FEZ2: variants seen among roughly 807,000 people sequenced by gnomAD.
FEZ2 encodes the protein fasciculation and elongation protein zeta-2.
A neutral mutation model predicts 40.4 loss-of-function variants in FEZ2; 51 were observed. The ratio of observed to expected loss-of-function variants is 1.26; its 90% confidence interval spans 1.01 to 1.59. FEZ2 has a LOEUF of 1.59. FEZ2 is among the 40% of genes most tolerant of loss of function. The probability of loss-of-function intolerance (pLI) is 0.00; values close to 1 mark genes in which losing one functional copy is unlikely to be tolerated. For missense variants in FEZ2, 640 were observed against 438.3 expected, an observed-to-expected ratio of 1.46 and a Z score of -4.11; for synonymous variants, 242 against 172.0, an observed-to-expected ratio of 1.41 and a Z score of -3.18.
chr2:36,569,415 GGACTGAAAACAACA>G (rs1408782841), intron 5 of FEZ2, among the ~76,000 whole-genome samples: 11 of 151,132 alleles, frequency 7.3e-5, no homozygotes, highest in African/African-American at 2.5e-4. Flanking sequence ...CTAGCTGATA[GGACTGAAAACAACA>G]TAAAGAGACA....
chr2:36,562,337 A>G (rs1482056707), intron 5 of FEZ2, among the ~76,000 whole-genome samples: 1 of 152,182 alleles, frequency 6.6e-6, no homozygotes, highest in Admixed American at 6.5e-5. Flanking sequence ...TAAGAGCGTA[A>G]AGAAGTCTTG....
rs532362044 is a variant in FEZ2, at chr2:36,583,394, C to G, written c.451G>C (p.Val151Leu). ...AGGGGTTCATCATTAACACAGGAGA[C>G]GATGATTGAGTGCATATCCAGCTGT... ...REQLDMHSII[V>L]SCVNDEPLFT... The change falls in exon 3 of 8, where the codon GTC becomes CTC. Residue 151 changes from valine (V) to leucine (L), a missense_variant. Coordinates refer to ENST00000405912, the MANE Select transcript of FEZ2 (RefSeq NM_005102.3). 15 of 1,605,890 alleles carry G rather than the reference C, an allele frequency of 9.3e-6. No individual in the cohort carries two copies. In the South Asian group the frequency reaches 1.4e-4, roughly 15 times the overall value.
intron 5 of FEZ2, among the ~76,000 whole-genome samples, chr2:36,574,221 T>C (rs145318035): frequency 6.6e-6 from 1 of 152,222 alleles, no homozygotes; most frequent in African/African-American, 2.4e-5. Context: ...GCCGTCTGTA[T>C]GTAGGACGAA....
chr2:36,582,076 T>C (rs1668766193), intron 3 of FEZ2, among the ~76,000 whole-genome samples: 1 of 152,196 alleles, frequency 6.6e-6, no homozygotes, highest in Non-Finnish European at 1.5e-5. Flanking sequence ...CTTTAAACAA[T>C]GATCTACTGT....
chr2:36,571,435 C>T (rs12615713), intron 5 of FEZ2, among the ~76,000 whole-genome samples: 8,963 of 149,994 alleles, frequency 0.06, 885 homozygotes, highest in East Asian at 0.45. Context: ...CCGAGGTGGG[C>T]GGATCGCTTG....
At chr2:36,581,659 GA>G (rs1668753767) in intron 3 of FEZ2, 2 of 451,534 alleles carry the variant, frequency 4.4e-6, no homozygotes, top group Non-Finnish European at 8.3e-6. Context: ...AATAGAATTG[GA>G]TTTACTACGT....
intron 5 of FEZ2, among the ~76,000 whole-genome samples, chr2:36,566,943 T>C (rs910805609): frequency 9.6e-5 from 13 of 134,990 alleles, no homozygotes; most frequent in East Asian, 2.6e-4. Flanking sequence ...CACATACGCA[T>C]AGACACACAC....
intron 5 of FEZ2, among the ~76,000 whole-genome samples, chr2:36,565,151 C>G (rs17488036): frequency 0.34 from 52,026 of 152,070 alleles, 9,085 homozygotes; most frequent in Middle Eastern, 0.53. Flanking sequence ...TCACCAATAT[C>G]TCTGAAATTC....
chr2:36,567,952 A>G (rs1440428748), intron 5 of FEZ2, among the ~76,000 whole-genome samples: 1 of 152,146 alleles, frequency 6.6e-6, no homozygotes, highest in Non-Finnish European at 1.5e-5. Context: ...CCAAAAAATA[A>G]CACACCCTTT....
At position 36,578,693 on chromosome 2, in the gene FEZ2, T is replaced by G; in HGVS notation, c.807A>C (p.Lys269Asn). 6.2e-7 allele frequency: 1 copy of G among 1,613,986 alleles called. No homozygotes were observed. Among genetic ancestry groups the G allele is most frequent in the South Asian group, 1.1e-5 (1 of 91,066 alleles). ...FISVLIEVQN[K>N]QKEHKETAKK... ...TTGCTGTTTCTTTGTGCTCTTTCTG[T>G]TTGTTTTGCACTTCAATAAGAACAG... The change falls in exon 5 of 8, where the codon AAA becomes AAC. Residue 269 changes from lysine (K) to asparagine (N), a missense_variant. Physicochemically the swap from Lys to Asn is moderately conservative, Grantham distance 94 (BLOSUM62 0). Coordinates refer to ENST00000405912, the MANE Select transcript of FEZ2 (RefSeq NM_005102.3).
chr2:36,565,973 G>A (rs931385732), intron 5 of FEZ2, among the ~76,000 whole-genome samples: 9 of 152,130 alleles, frequency 5.9e-5, no homozygotes, highest in East Asian at 3.9e-4. Context: ...GAGAATCACC[G>A]CACTAAAGCA....
chr2:36,552,310 A>G lies in FEZ2; in HGVS notation c.*853T>C, dbSNP rs969745591. Reference sequence around the variant, plus strand: ...TGCCATTGATTTGACTGGAACCAGCAAAAGTGCTCATGATATTGATGAATC... The same window carrying G: ...TGCCATTGATTTGACTGGAACCAGCGAAAGTGCTCATGATATTGATGAATC... On this transcript the variant is annotated 3_prime_UTR_variant, in exon 8 of 8. Coordinates refer to ENST00000405912, the MANE Select transcript of FEZ2 (RefSeq NM_005102.3). 2.2e-5 allele frequency: 9 copies of G among 418,486 alleles called. No homozygotes were observed. The highest frequency in any genetic ancestry group is 3.8e-5 in the Non-Finnish European group (8 of 211,482). 25.9% of individuals were successfully genotyped at this position (418,486 alleles called of 1,614,324 possible).
rs748873796 is a variant in FEZ2, at chr2:36,552,491, A to G, written c.*672T>C. ...AGTACAATTCTTCACAGACACATGA[A>G]GCAGAACATTTGAAAATCAAAACTT... On this transcript the variant is annotated 3_prime_UTR_variant, in exon 8 of 8. Transcript: ENST00000405912. The G allele has an allele frequency of 8.0e-6, 2 of 249,410 alleles. No homozygotes were observed. The highest frequency in any genetic ancestry group is 1.6e-5 in the Non-Finnish European group (2 of 125,476). The allele number at this position is 249,410 out of a possible 1,614,324, so 15.4% of individuals were successfully genotyped here.
chr2:36,558,868 T>A (rs1350728037), intron 5 of FEZ2: 1 of 160,832 alleles, frequency 6.2e-6, no homozygotes, highest in Non-Finnish European at 1.4e-5. Flanking sequence ...TCAACACATT[T>A]TAAAAATAGC....
intron 6 of FEZ2, chr2:36,556,134 G>T: frequency 2.3e-6 from 1 of 429,666 alleles, no homozygotes; most frequent in Non-Finnish European, 4.7e-6. Context: ...AAACCTCAGT[G>T]CTGCAGATCA....
At chr2:36,586,215 T>G (rs1212289607) in intron 2 of FEZ2, among the ~76,000 whole-genome samples, 9 of 152,232 alleles carry the variant, frequency 5.9e-5, no homozygotes. Context: ...ATTAGTTTCA[T>G]CGATCCTTAC....
At chr2:36,585,049 T>C (rs922555275) in intron 2 of FEZ2, among the ~76,000 whole-genome samples, 11 of 151,636 alleles carry the variant, frequency 7.3e-5, no homozygotes, top group Non-Finnish European at 1.5e-4. Context: ...CAACACAGCA[T>C]CATGAACTAA....
intron 1 of FEZ2, 69 bp downstream of exon 1, chr2:36,597,808 G>A (rs1446724284): frequency 6.7e-6 from 7 of 1,041,742 alleles, no homozygotes; most frequent in East Asian, 7.6e-5. Context: ...AGCTGCGGCC[G>A]TAGGGCTGCC....
chr2:36,585,291 T>C (rs1380206647), intron 2 of FEZ2, among the ~76,000 whole-genome samples: 1 of 152,164 alleles, frequency 6.6e-6, no homozygotes, highest in Non-Finnish European at 1.5e-5. Context: ...ATACAAGTTC[T>C]GAAAAAATTT....
Sources: allele counts gnomAD v4.1 joint callset (sites outside exome capture counted in the v4.1 genomes callset), GRCh38; gene constraint gnomAD v4.1.1; transcripts MANE v1.5; gene names NCBI Gene and HGNC (gene_info 2026-07-23, HGNC 2026-07-21).